The following CWF19L2 variants were observed in gnomAD, a reference collection of about 807,000 sequenced individuals.
CWF19L2 encodes the protein CWF19-like protein 2.
CWF19L2 carries 98 observed loss-of-function variants against 111.7 expected under a neutral mutation model. That is an observed-to-expected ratio of 0.88 (90% CI 0.75 to 1.04). The LOEUF (loss-of-function observed/expected upper bound fraction) is 1.04, where lower values mean the gene tolerates loss of function less well. CWF19L2 is among the 50% of genes least tolerant of loss of function. The pLI is 0.00. For synonymous variants in CWF19L2, 351 were observed against 342.9 expected, an observed-to-expected ratio of 1.02 and a Z score of -0.26; for missense variants, 1,101 against 1,051.4, an observed-to-expected ratio of 1.05 and a Z score of -0.65.
chr11:107,425,388 G>A (rs578128381), intron 8 of CWF19L2, among the ~76,000 whole-genome samples: 1 of 151,912 alleles, frequency 6.6e-6, no homozygotes, highest in African/African-American at 2.4e-5. Context: ...CCTTTTCTAT[G>A]TTATGTTTAG....
At chr11:107,425,418 T>A (rs1323141578) in intron 8 of CWF19L2, among the ~76,000 whole-genome samples, 1 of 151,896 alleles carries the variant, frequency 6.6e-6, no homozygotes, top group Admixed American at 6.6e-5. Flanking sequence ...TACTTATCAT[T>A]GTGTTACAAT....
At chr11:107,437,746 C>A (rs1861563120) in intron 6 of CWF19L2, among the ~76,000 whole-genome samples, 1 of 152,154 alleles carries the variant, frequency 6.6e-6, no homozygotes, top group South Asian at 2.1e-4. Flanking sequence ...ATCTTCTCCA[C>A]TCAGTAAAGA....
intron 16 of CWF19L2, among the ~76,000 whole-genome samples, chr11:107,333,463 A>T (rs891075923): frequency 1.5e-4 from 23 of 152,222 alleles, no homozygotes; most frequent in Non-Finnish European, 2.4e-4. Context: ...AACTGTCATT[A>T]AAACTATGTT....
chr11:107,330,774 C>T (rs1208873160), intron 16 of CWF19L2, among the ~76,000 whole-genome samples: 2 of 148,148 alleles, frequency 1.3e-5, no homozygotes, highest in African/African-American at 2.5e-5. Flanking sequence ...GCAAGTTTTG[C>T]TTCAAAGCCC....
chr11:107,432,761 G>A (rs182054767), intron 7 of CWF19L2, among the ~76,000 whole-genome samples: 2 of 152,256 alleles, frequency 1.3e-5, no homozygotes, highest in East Asian at 3.9e-4. Context: ...AGAGAAATCT[G>A]GCAATATGTA....
At chr11:107,331,732 A>G (rs1306944295) in intron 16 of CWF19L2, among the ~76,000 whole-genome samples, 3 of 152,230 alleles carry the variant, frequency 2.0e-5, no homozygotes, top group Non-Finnish European at 2.9e-5. Context: ...ACCAATATAC[A>G]TGCCAAGGCT....
In CWF19L2 at chr11:107,389,950, A is replaced by T. The variant is rs72996177; in HGVS notation, c.1872+124T>A. On this transcript the variant is annotated intron_variant, in intron 12 of 17. Transcript: ENST00000282251. ...ATGCATGTTTCTAATAAGTCTTACA[A>T]AGGATTTAATTTAATAAAATGAATC... 4.7e-3 allele frequency: 3,781 copies of T among 806,422 alleles called. 19 individuals carry two copies. The highest frequency in any genetic ancestry group is 6.1e-3 in the Non-Finnish European group (3,186 of 523,650). 50.0% of individuals were successfully genotyped at this position (806,422 alleles called of 1,614,324 possible).
chr11:107,403,438 T>C, intron 10 of CWF19L2: 1 of 776,300 alleles, frequency 1.3e-6, no homozygotes, highest in Non-Finnish European at 2.3e-6. Flanking sequence ...GATCTGTCGG[T>C]GGCTCTTCCA....
At position 107,404,115 on chromosome 11, in the gene CWF19L2, T is replaced by C. The variant is rs1190391895; in HGVS notation, c.1618-11220A>G. The C allele has an allele frequency of 2.1e-5, 16 of 774,838 alleles. No homozygotes were observed. In the African/African-American group the frequency reaches 2.7e-4, roughly 13 times the overall value. 48.0% of individuals were successfully genotyped at this position (774,838 alleles called of 1,614,324 possible). ...GTTCTCCTTTCTCCATGTGAGACTG[T>C]CTCTGTCGACTTTCTTCCTCTAAAG... On this transcript the variant is annotated intron_variant, in intron 10 of 17. Coordinates refer to ENST00000282251, the MANE Select transcript of CWF19L2 (RefSeq NM_152434.3).
rs1260893047 is a variant in CWF19L2, at chr11:107,374,050, C to T, written c.1872+16024G>A. Reference sequence around the variant, plus strand: ...GGAAGATGAACTGAATGAAATGAAACGAGAAGGGAAGTTTAGAGAAAAAAG... The same window carrying T: ...GGAAGATGAACTGAATGAAATGAAATGAGAAGGGAAGTTTAGAGAAAAAAG... On this transcript the variant is annotated intron_variant, in intron 12 of 17. Coordinates refer to ENST00000282251, the MANE Select transcript of CWF19L2 (RefSeq NM_152434.3). Among the ~76,000 whole-genome samples, 13 of 136,216 alleles carry T rather than the reference C, an allele frequency of 9.5e-5. 1 individual carries two copies. In the East Asian group the frequency reaches 1.1e-3, roughly 11 times the overall value. The allele number at this position is 136,216 out of a possible 152,430, so 89.4% of individuals were successfully genotyped here. A position where few individuals can be genotyped will look rare whatever the true frequency, so the allele number is the denominator to read the frequency against.
At chr11:107,429,904 G>C (rs1041084429) in intron 7 of CWF19L2, among the ~76,000 whole-genome samples, 35 of 150,170 alleles carry the variant, frequency 2.3e-4, no homozygotes, top group Admixed American at 6.6e-5. Context: ...CCAAAAGGAA[G>C]AAAAGACAGT....
In CWF19L2 at chr11:107,374,333, T is replaced by C. The variant is rs1448878566; in HGVS notation, c.1872+15741A>G. On this transcript the variant is annotated intron_variant, in intron 12 of 17. Coordinates refer to ENST00000282251, the MANE Select transcript of CWF19L2 (RefSeq NM_152434.3). ...CACATAATTGTCAGATTCACCAAAGTTGAAATGAAGGAAAAAATGTTAAGG... is the reference window on the plus strand; with the variant it reads ...CACATAATTGTCAGATTCACCAAAGCTGAAATGAAGGAAAAAATGTTAAGG... 3.1e-5 allele frequency among the ~76,000 whole-genome samples: 4 copies of C among 127,686 alleles called. 1 individual carries two copies. Among genetic ancestry groups the C allele is most frequent in the East Asian group, 2.2e-4 (1 of 4,492 alleles). 83.8% of individuals were successfully genotyped at this position (127,686 alleles called of 152,430 possible). A position where few individuals can be genotyped will look rare whatever the true frequency, so the allele number is the denominator to read the frequency against.
At chr11:107,403,939 T>C in intron 10 of CWF19L2, 1 of 884,136 alleles carries the variant, frequency 1.1e-6, no homozygotes, top group Non-Finnish European at 1.9e-6. Flanking sequence ...GGACCTGTCG[T>C]TTAAGGACCT....
intron 12 of CWF19L2, among the ~76,000 whole-genome samples, chr11:107,382,013 A>C (rs576186099): frequency 6.6e-6 from 1 of 152,094 alleles, no homozygotes; most frequent in South Asian, 2.1e-4. Flanking sequence ...ATGGTCTATT[A>C]GTACAAAAAG....
chr11:107,412,605 T>C (rs944503439), intron 10 of CWF19L2, among the ~76,000 whole-genome samples: 3 of 152,210 alleles, frequency 2.0e-5, no homozygotes, highest in African/African-American at 7.2e-5. Flanking sequence ...CCTCCCAAAG[T>C]GCTGGGATTA....
intron 10 of CWF19L2, among the ~76,000 whole-genome samples, chr11:107,394,810 A>C (rs891416581): frequency 1.3e-5 from 2 of 152,144 alleles, no homozygotes; most frequent in Non-Finnish European, 2.9e-5. Context: ...CTTCAGCCTG[A>C]AACCTAATCA....
chr11:107,455,793 A>G lies in CWF19L2; in HGVS notation c.106-17T>C. ...GGCTTTAGCCTACAACCAAAGAAAA[A>G]AAAAAGACAAACTGGCAATTGACCC... On this transcript the variant is annotated splice_polypyrimidine_tract_variant and intron_variant, in intron 1 of 17. Transcript: ENST00000282251. 2 of 1,490,168 alleles carry G rather than the reference A, an allele frequency of 1.3e-6. No individual in the cohort carries two copies. Among genetic ancestry groups the G allele is most frequent in the Non-Finnish European group, 1.8e-6 (2 of 1,102,510 alleles). 92.3% of individuals were successfully genotyped at this position (1,490,168 alleles called of 1,614,324 possible).
intron 5 of CWF19L2, 138 bp from the exon 6 acceptor site, chr11:107,439,321 C>A: frequency 1.7e-6 from 1 of 602,058 alleles, no homozygotes; most frequent in African/African-American, 1.9e-5. Context: ...ATATGCTGTT[C>A]TGTAACTTAC....
chr11:107,451,699 T>A (rs1285709733), intron 3 of CWF19L2, among the ~76,000 whole-genome samples: 1 of 152,070 alleles, frequency 6.6e-6, no homozygotes, highest in African/African-American at 2.4e-5. Context: ...TGGAATAAAT[T>A]CCCAGAAAAA....
Sources: gnomAD v4.1 joint callset for allele counts (sites outside exome capture counted in the v4.1 genomes callset) on GRCh38, gnomAD v4.1.1 for gene constraint, MANE v1.5 for transcripts, NCBI Gene and HGNC (gene_info 2026-07-23, HGNC 2026-07-21) for gene names.